Variants in UGGT1 observed in about 807,000 individuals in gnomAD.
UGGT1 encodes UDP-glucose:glycoprotein glucosyltransferase 1.
Under a neutral mutation model 203.9 loss-of-function variants are expected in UGGT1, and 107 were observed. The observed-to-expected ratio is 0.52, with a 90% CI of 0.45 to 0.62. The LOEUF is 0.62. Ranked by LOEUF, UGGT1 falls within the 20% of genes least tolerant of loss-of-function variation. The pLI is 0.00. For missense variants in UGGT1, 1,673 were observed against 1,867.2 expected (o/e 0.90, Z 1.92); for synonymous variants, 628 against 653.5 (o/e 0.96, Z 0.59).
chr2:128,139,457 A>G (rs1464434117), intron 16 of UGGT1, among the ~76,000 whole-genome samples: 1 of 152,062 alleles, frequency 6.6e-6, no homozygotes, highest in Non-Finnish European at 1.5e-5. Context: ...ATAAGTACAC[A>G]TGTTTGATCG....
chr2:128,160,023 T>G (rs1313111767), intron 23 of UGGT1, among the ~76,000 whole-genome samples: 3 of 152,210 alleles, frequency 2.0e-5, no homozygotes, highest in African/African-American at 7.2e-5. Context: ...ACTTATAGGT[T>G]CAAGGCTTAT....
In UGGT1 at chr2:128,115,125, A is replaced by G; in HGVS notation, c.698A>G (p.Asn233Ser). 6.2e-7 allele frequency: 1 copy of G among 1,614,024 alleles called. No homozygotes were observed. The change falls in exon 7 of 41, where the codon AAT becomes AGT. Residue 233 changes from asparagine (N) to serine (S), a missense_variant and splice_region_variant. Coordinates refer to ENST00000259253, the MANE Select transcript of UGGT1 (RefSeq NM_020120.4). ...INYVFRHYIFNPRKEPVYLSG... is the reference protein window; with the variant it reads ...INYVFRHYIFSPRKEPVYLSG... ...ATGGAATTCTTGCTTTACTTGCAGA[A>G]TCCCAGGAAGGAGCCTGTTTACCTC...
At chr2:128,095,598 C>G (rs1489029080) in intron 1 of UGGT1, among the ~76,000 whole-genome samples, 1 of 152,076 alleles carries the variant, frequency 6.6e-6, no homozygotes, top group East Asian at 1.9e-4. Flanking sequence ...AAGCTATCTT[C>G]CCACCTTAGC....
intron 12 of UGGT1, among the ~76,000 whole-genome samples, chr2:128,128,373 A>C (rs1190333318): frequency 6.8e-6 from 1 of 147,908 alleles, no homozygotes; most frequent in Admixed American, 6.8e-5. Context: ...GTCCAGTGGC[A>C]TGGTCTTGGC....
intron 8 of UGGT1, among the ~76,000 whole-genome samples, chr2:128,119,940 T>A (rs4662778): frequency 0.9 from 135,585 of 150,756 alleles, 61,743 homozygotes; most frequent in Non-Finnish European, 0.98. Context: ...TCTTTCTTTC[T>A]TTTTTTCTTT....
rs557684803 is a variant in UGGT1, at chr2:128,108,205, A to T, written c.408+137A>T. On this transcript the variant is annotated intron_variant, in intron 4 of 40. Transcript: ENST00000259253. ...AAATTTTCTAGGATTTATGATTTTT[A>T]AAAAAAATAATAAGCAAAATTGATG... 1,245 of 1,109,298 alleles carry T rather than the reference A, an allele frequency of 1.1e-3. 3 individuals carry two copies. Among genetic ancestry groups the T allele is most frequent in the Admixed American group, 2.1e-3 (74 of 35,146 alleles). The allele number at this position is 1,109,298 out of a possible 1,614,324, so 68.7% of individuals were successfully genotyped here.
chr2:128,119,247 T>C (rs1376781850), intron 8 of UGGT1, among the ~76,000 whole-genome samples: 1 of 152,158 alleles, frequency 6.6e-6, no homozygotes. Context: ...AGTGGGTTGG[T>C]TGGACAGTGA....
rs535151992 is a variant in UGGT1 at position 128,131,907 on chromosome 2, G to A, written c.1378-1234G>A. 4.6e-5 allele frequency among the ~76,000 whole-genome samples: 7 copies of A among 152,218 alleles called. No individual in the cohort carries two copies. In the East Asian group the frequency reaches 5.8e-4, roughly 13 times the overall value. ...CTCCCAAAGTGCTGGGATTACAGGC[G>A]TGAGCCACCACACCCGGCAGTACTG... On this transcript the variant is annotated intron_variant, in intron 13 of 40. Coordinates refer to ENST00000259253, the MANE Select transcript of UGGT1 (RefSeq NM_020120.4).
chr2:128,147,152 T>C (rs1405817389), intron 18 of UGGT1, among the ~76,000 whole-genome samples: 1 of 152,198 alleles, frequency 6.6e-6, no homozygotes, highest in Non-Finnish European at 1.5e-5. Flanking sequence ...ATTCTGGAAA[T>C]ATGCACATGG....
chr2:128,098,932 G>C (rs956966331), intron 2 of UGGT1, among the ~76,000 whole-genome samples: 1 of 152,094 alleles, frequency 6.6e-6, no homozygotes, highest in Non-Finnish European at 1.5e-5. Context: ...TATAGGTAGG[G>C]CTTAAATGCT....
Position 128,152,371 on chromosome 2 carries a change from C to T in UGGT1, c.2017-413C>T, listed in dbSNP as rs529396141. Among the ~76,000 whole-genome samples, 9 of 152,280 alleles carry T rather than the reference C, an allele frequency of 5.9e-5. No homozygotes were observed. In the South Asian group the frequency reaches 1.9e-3, roughly 32 times the overall value. On this transcript the variant is annotated intron_variant, in intron 18 of 40. Transcript: ENST00000259253. ...TAGTAAAGATGGCATGTTGGCCAGG[C>T]TGGTCTTGAACTCATAACCTCAAGT...
At chr2:128,114,089 G>A (rs1687986951) in intron 6 of UGGT1, among the ~76,000 whole-genome samples, 1 of 151,916 alleles carries the variant, frequency 6.6e-6, no homozygotes, top group Non-Finnish European at 1.5e-5. Flanking sequence ...TCAGTACTAA[G>A]TTCATGCAAA....
Position 128,180,880 on chromosome 2 carries a change from C to T in UGGT1, c.3901-10C>T. 3 of 1,601,738 alleles carry T rather than the reference C, an allele frequency of 1.9e-6. No individual in the cohort carries two copies. The highest frequency in any genetic ancestry group is 2.6e-6 in the Non-Finnish European group (3 of 1,173,394). The stretch of plus-strand genomic sequence containing the variant: ...AAATGATTATTTGTTGTTCCCATGT[C>T]TAAAAATAGGAGTTTATACCTTACA... On this transcript the variant is annotated splice_polypyrimidine_tract_variant and intron_variant, in intron 35 of 40. Transcript: ENST00000259253.
intron 35 of UGGT1, 27 bp from the exon 36 acceptor site, chr2:128,180,863 A>G (rs991791209): frequency 1.2e-5 from 19 of 1,597,060 alleles, no homozygotes; most frequent in Non-Finnish European, 1.6e-5. Context: ...AGAAATGATT[A>G]TTTGTTGTTC....
At chr2:128,095,502 C>T (rs1423651294) in intron 1 of UGGT1, among the ~76,000 whole-genome samples, 2 of 150,548 alleles carry the variant, frequency 1.3e-5, no homozygotes, top group Non-Finnish European at 3.0e-5. Flanking sequence ...TCCTCCCCCA[C>T]TCTCCTCCTG....
chr2:128,178,349 C>T, intron 33 of UGGT1, 119 bp from the exon 34 acceptor site: 2 of 862,506 alleles, frequency 2.3e-6, no homozygotes, highest in Non-Finnish European at 3.6e-6. Context: ...ATAACCACTC[C>T]TGCTGCAGCT....
chr2:128,164,321 G>T (rs1022276648), intron 25 of UGGT1, among the ~76,000 whole-genome samples: 2 of 152,130 alleles, frequency 1.3e-5, no homozygotes, highest in Non-Finnish European at 2.9e-5. Flanking sequence ...ATCAGACCTT[G>T]TTACTTGATA....
intron 19 of UGGT1, among the ~76,000 whole-genome samples, chr2:128,153,113 A>C (rs1429573414): frequency 8.2e-6 from 1 of 122,606 alleles, no homozygotes; most frequent in East Asian, 3.3e-4. Flanking sequence ...AAAGAAGAAA[A>C]CATCTTCTGG....
intron 8 of UGGT1, among the ~76,000 whole-genome samples, chr2:128,117,960 T>TTGTGTGTG (rs1228751555): frequency 3.4e-5 from 1 of 29,232 alleles, no homozygotes; most frequent in Admixed American, 4.8e-4. Context: ...TTAGGACATT[T>TTGTGTGTG]TGTGTGTGTG....
Sources: allele counts gnomAD v4.1 joint callset (sites outside exome capture counted in the v4.1 genomes callset), GRCh38; gene constraint gnomAD v4.1.1; transcripts MANE v1.5; gene names NCBI Gene and HGNC (gene_info 2026-07-23, HGNC 2026-07-21).